Variants in ANKS1B observed in about 807,000 individuals in gnomAD.
The protein encoded by ANKS1B is ankyrin repeat and sterile alpha motif domain containing 1B, also known as ankyrin repeat and sterile alpha motif domain-containing protein 1B.
A neutral mutation model predicts 148.3 loss-of-function variants in ANKS1B; 36 were observed. The ratio of observed to expected loss-of-function variants is 0.24; its 90% CI spans 0.19 to 0.32. The LOEUF is 0.32. Ranked by LOEUF, ANKS1B falls within the 10% of genes least tolerant of loss-of-function variation. ANKS1B has a pLI of 1.00. For synonymous variants in ANKS1B, 542 were observed against 560.8 expected (o/e 0.97, Z 0.47); for missense variants, 1,157 against 1,542.6 (o/e 0.75, Z 4.19).
intron 9 of ANKS1B, among the ~76,000 whole-genome samples, chr12:99,600,758 A>G (rs985848227): frequency 5.3e-5 from 8 of 152,068 alleles, no homozygotes; most frequent in African/African-American, 1.9e-4. Flanking sequence ...TCTAAACTGC[A>G]ACTTGAGAAA....
chr12:98,814,332 C>A (rs532075095), intron 19 of ANKS1B, among the ~76,000 whole-genome samples: 1 of 152,258 alleles, frequency 6.6e-6, no homozygotes, highest in African/African-American at 2.4e-5. Flanking sequence ...ACATTTTTAC[C>A]GAATGAATGG....
At chr12:99,512,108 T>C (rs1053730719) in intron 9 of ANKS1B, among the ~76,000 whole-genome samples, 5 of 151,920 alleles carry the variant, frequency 3.3e-5, no homozygotes, top group African/African-American at 1.2e-4. Context: ...AAAGAAACTA[T>C]CAACAGAGTG....
intron 15 of ANKS1B, among the ~76,000 whole-genome samples, chr12:99,106,015 C>T (rs540707920): frequency 6.6e-6 from 1 of 152,252 alleles, no homozygotes; most frequent in African/African-American, 2.4e-5. Flanking sequence ...TAGCTCTGCA[C>T]AAGCAAATAC....
chr12:99,326,186 G>C (rs1349172861), intron 12 of ANKS1B, among the ~76,000 whole-genome samples: 1 of 152,028 alleles, frequency 6.6e-6, no homozygotes, highest in Non-Finnish European at 1.5e-5. Flanking sequence ...GATGAGACTG[G>C]GGTGGGGACA....
At chr12:98,974,442 C>T (rs2099888576) in intron 17 of ANKS1B, among the ~76,000 whole-genome samples, 1 of 152,110 alleles carries the variant, frequency 6.6e-6, no homozygotes, top group Non-Finnish European at 1.5e-5. Context: ...AGTGCTTGCC[C>T]CATAATGAAT....
intron 1 of ANKS1B, among the ~76,000 whole-genome samples, chr12:99,935,357 C>CAAAAA (rs10629199): frequency 4.5e-4 from 59 of 130,232 alleles, no homozygotes; most frequent in African/African-American, 1.5e-3. Context: ...AGATGCCTGA[C>CAAAAA]AAAAAAAAAA....
intron 17 of ANKS1B, among the ~76,000 whole-genome samples, chr12:98,863,064 T>TCTTA (rs2099607479): frequency 6.6e-6 from 1 of 152,178 alleles, no homozygotes; most frequent in African/African-American, 2.4e-5. Flanking sequence ...TCTCACCAAT[T>TCTTA]CTTAGGCCCT....
At chr12:99,603,620 A>G (rs1408258925) in intron 9 of ANKS1B, among the ~76,000 whole-genome samples, 2 of 152,244 alleles carry the variant, frequency 1.3e-5, no homozygotes, top group African/African-American at 4.8e-5. Flanking sequence ...TAATATTGCC[A>G]TAAAATAAGA....
chr12:99,728,978 T>G (rs2058876735), intron 8 of ANKS1B, among the ~76,000 whole-genome samples: 1 of 152,228 alleles, frequency 6.6e-6, no homozygotes, highest in Admixed American at 6.5e-5. Flanking sequence ...AAATACAACT[T>G]TTATATGCAC....
Position 98,873,080 on chromosome 12 carries a change from T to A in ANKS1B, c.2779-40944A>T, listed in dbSNP as rs373470547. Among the ~76,000 whole-genome samples, 24 of 152,306 alleles carry A rather than the reference T, an allele frequency of 1.6e-4. 1 individual carries two copies. Among genetic ancestry groups the A allele is most frequent in the African/African-American group, 5.3e-4 (22 of 41,574 alleles). ...TGTTGCCTGGAAAACTCATCCTCAA[T>A]CTTCTAGACCTACAGTTGGGTTATT... On this transcript the variant is annotated intron_variant, in intron 17 of 26. Transcript: ENST00000683438.
intron 15 of ANKS1B, among the ~76,000 whole-genome samples, chr12:99,147,939 G>A (rs149330716): frequency 6.6e-6 from 1 of 152,002 alleles, no homozygotes; most frequent in Non-Finnish European, 1.5e-5. Flanking sequence ...CAGGGAACTG[G>A]TAAGAAGCAG....
At position 99,404,245 on chromosome 12, in the gene ANKS1B, C is replaced by A. The variant is rs1392052753; in HGVS notation, c.1576-4434G>T. 6.9e-5 allele frequency among the ~76,000 whole-genome samples: 10 copies of A among 145,066 alleles called. 2 individuals are homozygous for A. The highest frequency in any genetic ancestry group is 1.4e-4 in the Non-Finnish European group (9 of 65,754). On this transcript the variant is annotated intron_variant, in intron 11 of 26. Transcript: ENST00000683438. The stretch of plus-strand genomic sequence containing the variant: ...GGTACTAGGCTTAATGCCTGGGTGA[C>A]AAAATAATCTGTACAACAAACCCCA...
intron 12 of ANKS1B, among the ~76,000 whole-genome samples, chr12:99,391,258 C>G (rs963035750): frequency 6.6e-6 from 1 of 152,168 alleles, no homozygotes; most frequent in African/African-American, 2.4e-5. Context: ...CATCTCTCTT[C>G]GTTTAAAACA....
chr12:99,512,277 T>A (rs935012985), intron 9 of ANKS1B, among the ~76,000 whole-genome samples: 5 of 152,048 alleles, frequency 3.3e-5, no homozygotes, highest in African/African-American at 1.2e-4. Flanking sequence ...AAAAAAGACA[T>A]TCATTGTCCA....
At chr12:99,142,261 C>G (rs183401193) in intron 15 of ANKS1B, among the ~76,000 whole-genome samples, 1 of 151,596 alleles carries the variant, frequency 6.6e-6, no homozygotes, top group African/African-American at 2.4e-5. Context: ...AGAGAAAGAT[C>G]GGGTAAACAG....
chr12:99,629,147 C>A (rs949981427), intron 9 of ANKS1B, among the ~76,000 whole-genome samples: 9 of 152,126 alleles, frequency 5.9e-5, no homozygotes, highest in Admixed American at 5.2e-4. Flanking sequence ...CACTCAAAAC[C>A]CAAAATAGTT....
chr12:98,802,413 T>C (rs2153596774), intron 20 of ANKS1B, among the ~76,000 whole-genome samples: 1 of 152,198 alleles, frequency 6.6e-6, no homozygotes, highest in Non-Finnish European at 1.5e-5. Context: ...TGAAAGAATC[T>C]AGAAACTCCA....
chr12:99,646,559 C>T (rs1354969650), intron 9 of ANKS1B, among the ~76,000 whole-genome samples: 1 of 143,964 alleles, frequency 6.9e-6, no homozygotes, highest in Non-Finnish European at 1.5e-5. Flanking sequence ...AAAGCTGATG[C>T]AGGAGAATCA....
intron 17 of ANKS1B, among the ~76,000 whole-genome samples, chr12:98,959,499 A>G (rs1199143176): frequency 1.3e-5 from 2 of 152,194 alleles, no homozygotes; most frequent in Admixed American, 6.5e-5. Flanking sequence ...CTAATGGATA[A>G]TAACAGGGGC....
Sources: allele counts gnomAD v4.1 joint callset (sites outside exome capture counted in the v4.1 genomes callset), GRCh38; gene constraint gnomAD v4.1.1; transcripts MANE v1.5; gene names NCBI Gene and HGNC (gene_info 2026-07-23, HGNC 2026-07-21).